RIMS1: variants seen among roughly 807,000 people sequenced by gnomAD.
The protein encoded by RIMS1 is regulating synaptic membrane exocytosis protein 1.
Under a neutral mutation model 214.1 loss-of-function variants are expected in RIMS1, and 83 were observed. The observed-to-expected ratio is 0.39, with a 90% CI of 0.32 to 0.47. The LOEUF is 0.47. RIMS1 is among the 20% of genes least tolerant of loss of function. The pLI, the probability that RIMS1 is intolerant of heterozygous loss-of-function variation, is 0.99. For missense variants in RIMS1, 2,050 were observed against 2,161.8 expected (o/e 0.95, Z 1.03); for synonymous variants, 793 against 786.8 (o/e 1.01, Z -0.13).
intron 4 of RIMS1, among the ~76,000 whole-genome samples, chr6:72,164,165 T>A (rs1469574768): frequency 6.6e-6 from 1 of 152,168 alleles, no homozygotes; most frequent in Non-Finnish European, 1.5e-5. Flanking sequence ...TGAGCGAGAC[T>A]CCGTGGGCAT....
At chr6:72,105,628 T>C (rs2034588197) in intron 4 of RIMS1, among the ~76,000 whole-genome samples, 1 of 152,186 alleles carries the variant, frequency 6.6e-6, no homozygotes, top group South Asian at 2.1e-4. Context: ...ACACTTTCTT[T>C]TGCAAGTTTA....
intron 1 of RIMS1, among the ~76,000 whole-genome samples, chr6:71,953,488 G>A (rs1350153257): frequency 6.6e-6 from 1 of 152,130 alleles, no homozygotes; most frequent in Admixed American, 6.5e-5. Flanking sequence ...CAATATTTTT[G>A]AACAATACTT....
intron 2 of RIMS1, among the ~76,000 whole-genome samples, chr6:72,070,361 T>C (rs1013178458): frequency 1.2e-4 from 19 of 152,204 alleles, no homozygotes; most frequent in Admixed American, 9.8e-4. Context: ...TTTCTGATTA[T>C]GAATAATACA....
chr6:72,065,611 T>C (rs1212009176), intron 2 of RIMS1, among the ~76,000 whole-genome samples: 2 of 152,188 alleles, frequency 1.3e-5, no homozygotes, highest in African/African-American at 4.8e-5. Flanking sequence ...AAACTTTTAT[T>C]GATCTCTTAC....
chr6:72,133,510 AG>A (rs1343159261), intron 4 of RIMS1, among the ~76,000 whole-genome samples: 3 of 152,216 alleles, frequency 2.0e-5, no homozygotes, highest in East Asian at 3.8e-4. Context: ...TGCACATATC[AG>A]TTGGACTTGA....
At chr6:72,228,634 G>A (rs2061009041) in intron 6 of RIMS1, among the ~76,000 whole-genome samples, 1 of 151,852 alleles carries the variant, frequency 6.6e-6, no homozygotes, top group Non-Finnish European at 1.5e-5. Context: ...TGGGAATGCA[G>A]ATATATCTTT....
At chr6:72,169,193 A>G (rs2046685594) in intron 4 of RIMS1, among the ~76,000 whole-genome samples, 1 of 152,146 alleles carries the variant, frequency 6.6e-6, no homozygotes, top group Admixed American at 6.5e-5. Context: ...ATAAAATTGA[A>G]ATTCTATTTA....
intron 23 of RIMS1, among the ~76,000 whole-genome samples, chr6:72,280,429 T>C (rs974947856): frequency 2.0e-5 from 3 of 152,084 alleles, no homozygotes; most frequent in African/African-American, 4.8e-5. Flanking sequence ...TGTTAAAATA[T>C]ACAATATTTT....
chr6:72,250,736 A>G (rs931956353), intron 13 of RIMS1, among the ~76,000 whole-genome samples, 185 bp from the exon 14 acceptor site: 3 of 152,178 alleles, frequency 2.0e-5, no homozygotes, highest in East Asian at 1.9e-4. Context: ...ATGTGTCCCT[A>G]TAATTACAAT....
chr6:72,185,451 G>C (rs965006435), intron 6 of RIMS1, among the ~76,000 whole-genome samples: 2 of 152,164 alleles, frequency 1.3e-5, no homozygotes, highest in African/African-American at 4.8e-5. Context: ...GGGGTGAAAG[G>C]GTTCTAAATA....
chr6:72,177,056 T>G (rs1212370698), intron 4 of RIMS1, among the ~76,000 whole-genome samples: 1 of 152,220 alleles, frequency 6.6e-6, no homozygotes, highest in South Asian at 2.1e-4. Context: ...TAGAGAATAT[T>G]CAAATGTAAA....
At chr6:72,128,673 C>T (rs981434115) in intron 4 of RIMS1, among the ~76,000 whole-genome samples, 1 of 152,154 alleles carries the variant, frequency 6.6e-6, no homozygotes, top group Non-Finnish European at 1.5e-5. Context: ...ACAAATAAAT[C>T]AAGAATATTT....
intron 2 of RIMS1, among the ~76,000 whole-genome samples, chr6:72,047,067 A>G (rs191212941): frequency 2.4e-4 from 36 of 152,304 alleles, no homozygotes; most frequent in African/African-American, 8.4e-4. Flanking sequence ...TATATAGCCT[A>G]AAATGAAATG....
chr6:71,968,962 GCTGT>G lies in RIMS1; in HGVS notation c.165-18_165-15del, dbSNP rs2151337243. 6.2e-7 allele frequency: 1 copy of G among 1,606,712 alleles called. No individual in the cohort carries two copies. The highest frequency in any genetic ancestry group is 8.5e-7 in the Non-Finnish European group (1 of 1,173,284). ...CTTTTTATAATTAATAGTGCGTTGT[GCTGT>G]CTATCATGCGCCCCAGGTGTGTTGT... is the stretch of plus-strand genomic sequence containing the variant. On this transcript the variant is annotated splice_polypyrimidine_tract_variant and intron_variant, in intron 1 of 33. Coordinates refer to ENST00000521978, the MANE Select transcript of RIMS1 (RefSeq NM_014989.7).
intron 2 of RIMS1, among the ~76,000 whole-genome samples, chr6:72,014,870 C>A (rs930143403): frequency 1.3e-5 from 2 of 152,094 alleles, no homozygotes; most frequent in African/African-American, 4.8e-5. Context: ...CATGATATAT[C>A]CTCTTTGGAG....
intron 1 of RIMS1, among the ~76,000 whole-genome samples, chr6:71,911,378 G>T (rs1304669294): frequency 2.0e-5 from 3 of 152,166 alleles, no homozygotes; most frequent in African/African-American, 7.2e-5. Flanking sequence ...AATTAGAATG[G>T]TAAATGGACT....
intron 31 of RIMS1, among the ~76,000 whole-genome samples, chr6:72,393,019 T>C (rs1322971009): frequency 6.6e-6 from 1 of 151,960 alleles, no homozygotes; most frequent in Non-Finnish European, 1.5e-5. Flanking sequence ...CTATAAATAT[T>C]TGAATTACCA....
chr6:72,205,567 C>G (rs1437230475), intron 6 of RIMS1, among the ~76,000 whole-genome samples: 1 of 152,078 alleles, frequency 6.6e-6, no homozygotes, highest in Non-Finnish European at 1.5e-5. Flanking sequence ...CAAACTCAAC[C>G]AAGCCTGGTG....
At chr6:72,123,171 G>T (rs2038783548) in intron 4 of RIMS1, among the ~76,000 whole-genome samples, 1 of 151,680 alleles carries the variant, frequency 6.6e-6, no homozygotes, top group Non-Finnish European at 1.5e-5. Context: ...GATATGTTGT[G>T]TCTTTGTTCT....
Sources: allele counts gnomAD v4.1 joint callset (sites outside exome capture counted in the v4.1 genomes callset), GRCh38; gene constraint gnomAD v4.1.1; transcripts MANE v1.5; gene names NCBI Gene and HGNC (gene_info 2026-07-23, HGNC 2026-07-21).